Variants in NANP observed in about 807,000 individuals in gnomAD.
The protein encoded by NANP is N-acetylneuraminic acid phosphatase, also known as N-acylneuraminate-9-phosphatase.
Under a neutral mutation model 16.9 loss-of-function variants are expected in NANP, and 15 were observed. That is an observed-to-expected ratio of 0.89 (90% CI 0.59 to 1.37). The LOEUF is 1.37. Ranked by LOEUF, NANP falls within the 40% of genes most tolerant of loss-of-function variation. The pLI, the probability that NANP is intolerant of heterozygous loss-of-function variation, is 0.00. For missense variants in NANP, 290 were observed against 303.5 expected (o/e 0.96, Z 0.33); for synonymous variants, 135 against 112.6 (o/e 1.20, Z -1.26).
In NANP at chr20:25,623,910, C is replaced by G. The variant is rs778705395; in HGVS notation, c.39G>C (p.Leu13Phe). The G allele has an allele frequency of 6.2e-7, 1 of 1,613,534 alleles. No individual in the cohort carries two copies. Among genetic ancestry groups the G allele is most frequent in the South Asian group, 1.1e-5 (1 of 91,070 alleles). ...CGGCCGTGTCGATGAGAGTGTTGTC[C>G]AAGTCAAAGAAAACCGCCCGCACGC... Reference protein sequence around the residue: ...LSRVRAVFFDLDNTLIDTAGA... With the variant: ...LSRVRAVFFDFDNTLIDTAGA... Residue 13 changes from leucine to phenylalanine, a missense_variant, in exon 1 of 2, where the codon TTG becomes TTC. Physicochemically the swap from Leu to Phe is conservative, Grantham distance 22. Coordinates refer to ENST00000304788, the MANE Select transcript of NANP (RefSeq NM_152667.3).
chr20:25,617,095 C>T lies in NANP; in HGVS notation c.91-514G>A, dbSNP rs369961306. Among the ~76,000 whole-genome samples, 806 of 152,320 alleles carry T rather than the reference C, an allele frequency of 5.3e-3. 4 individuals carry two copies. Among genetic ancestry groups the T allele is most frequent in the Non-Finnish European group, 6.9e-3 (466 of 68,028 alleles). On this transcript the variant is annotated intron_variant, in intron 1 of 1. Coordinates refer to ENST00000304788, the MANE Select transcript of NANP (RefSeq NM_152667.3). ...AAACATTTAAAATTTCTGACAACCACTATTTAGACTATCATCAGAAAAAAA... is the reference window on the plus strand; with the variant it reads ...AAACATTTAAAATTTCTGACAACCATTATTTAGACTATCATCAGAAAAAAA...
intron 1 of NANP, among the ~76,000 whole-genome samples, chr20:25,622,816 A>C (rs1174390883): frequency 1.3e-5 from 2 of 152,216 alleles, no homozygotes; most frequent in Non-Finnish European, 2.9e-5. Context: ...AATAAATAGG[A>C]GGTAGAGACA....
intron 1 of NANP, among the ~76,000 whole-genome samples, chr20:25,616,946 G>C (rs1446489135): frequency 6.6e-6 from 1 of 152,150 alleles, no homozygotes; most frequent in South Asian, 2.1e-4. Context: ...CAGCACTTTG[G>C]AAGGCCAAGG....
Position 25,614,574 on chromosome 20 carries a change from G to T in NANP, c.*1351C>A, listed in dbSNP as rs1001945661. On this transcript the variant is annotated 3_prime_UTR_variant, in exon 2 of 2. Coordinates refer to ENST00000304788, the MANE Select transcript of NANP (RefSeq NM_152667.3). Reference sequence around the variant, plus strand: ...TAGATATAGAAATTTGCAAAACAATGATATATTTCCAAGAATGTGAAAAAC... The same window carrying T: ...TAGATATAGAAATTTGCAAAACAATTATATATTTCCAAGAATGTGAAAAAC... 2.6e-5 allele frequency: 4 copies of T among 152,068 alleles called. No homozygotes were observed. 9.4% of individuals were successfully genotyped at this position (152,068 alleles called of 1,614,324 possible).
Position 25,615,083 on chromosome 20 carries a change from T to A in NANP, c.*842A>T, listed in dbSNP as rs1277162753. 1 of 152,348 alleles carries A rather than the reference T, an allele frequency of 6.6e-6. No homozygotes were observed. Among genetic ancestry groups the A allele is most frequent in the Non-Finnish European group, 1.5e-5 (1 of 68,038 alleles). The allele number at this position is 152,348 out of a possible 1,614,324, so 9.4% of individuals were successfully genotyped here. ...AAGAAAAATGACTTTTAGTGCCACG[T>A]GCCTTGCAATTATCTCTAGCAAAAC... On this transcript the variant is annotated 3_prime_UTR_variant, in exon 2 of 2. Coordinates refer to ENST00000304788, the MANE Select transcript of NANP (RefSeq NM_152667.3).
intron 1 of NANP, among the ~76,000 whole-genome samples, chr20:25,619,600 A>C (rs565042367): frequency 1.3e-5 from 2 of 152,238 alleles, no homozygotes; most frequent in African/African-American, 4.8e-5. Flanking sequence ...AAAACGCTGT[A>C]AATTTTTGCT....
rs1262119732 is a variant in NANP at position 25,615,732 on chromosome 20, T to C, written c.*193A>G. On this transcript the variant is annotated 3_prime_UTR_variant, in exon 2 of 2. Transcript: ENST00000304788. Reference sequence around the variant, plus strand: ...TTCATGCAATCTGAATTTTCAGATATAAGTACCACTCAATGGTTGGTTGTT... The same window carrying C: ...TTCATGCAATCTGAATTTTCAGATACAAGTACCACTCAATGGTTGGTTGTT... 3.5e-6 allele frequency: 2 copies of C among 570,128 alleles called. No individual in the cohort carries two copies. The highest frequency in any genetic ancestry group is 4.0e-4 in the Middle Eastern group (1 of 2,500). 35.3% of individuals were successfully genotyped at this position (570,128 alleles called of 1,614,324 possible).
chr20:25,621,100 TTAACAATTTTAAAACACGCTCACAAA>T (rs2065362858), intron 1 of NANP, among the ~76,000 whole-genome samples: 1 of 152,092 alleles, frequency 6.6e-6, no homozygotes, highest in East Asian at 1.9e-4. Flanking sequence ...AATAAAACTA[TTAACAATTTTAAAACACGCTCACAAA>T]ATGAGGCCTG....
At position 25,615,908 on chromosome 20, in the gene NANP, A is replaced by C. The variant is rs759399362; in HGVS notation, c.*17T>G. ...CAAATTGATTCTAACATTCATAATCATGCCCTTTTATGTGCTTTAAGTGGA... is the reference window on the plus strand; with the variant it reads ...CAAATTGATTCTAACATTCATAATCCTGCCCTTTTATGTGCTTTAAGTGGA... On this transcript the variant is annotated 3_prime_UTR_variant, in exon 2 of 2. Transcript: ENST00000304788. The C allele has an allele frequency of 1.3e-6, 2 of 1,580,726 alleles. No individual in the cohort carries two copies. Among genetic ancestry groups the C allele is most frequent in the South Asian group, 2.3e-5 (2 of 85,346 alleles).
intron 1 of NANP, among the ~76,000 whole-genome samples, chr20:25,620,430 C>T (rs181597447): frequency 5.9e-5 from 9 of 152,242 alleles, no homozygotes; most frequent in Admixed American, 3.3e-4. Context: ...TCTCTCTGAA[C>T]GTATACGAAA....
intron 1 of NANP, among the ~76,000 whole-genome samples, chr20:25,616,946 G>A (rs1446489135): frequency 2.0e-5 from 3 of 152,150 alleles, no homozygotes; most frequent in African/African-American, 7.2e-5. Flanking sequence ...CAGCACTTTG[G>A]AAGGCCAAGG....
chr20:25,622,270 C>T (rs190715834), intron 1 of NANP, among the ~76,000 whole-genome samples: 29 of 152,296 alleles, frequency 1.9e-4, no homozygotes, highest in Admixed American at 5.2e-4. Context: ...GAGACATGCA[C>T]GGGGCATGTG....
chr20:25,616,592 G>T lies in NANP; in HGVS notation c.91-11C>A. 6.4e-7 allele frequency: 1 copy of T among 1,556,310 alleles called. No homozygotes were observed. Among genetic ancestry groups the T allele is most frequent in the Non-Finnish European group, 8.7e-7 (1 of 1,154,142 alleles). On this transcript the variant is annotated splice_polypyrimidine_tract_variant and intron_variant, in intron 1 of 1. Transcript: ENST00000304788. The stretch of plus-strand genomic sequence containing the variant: ...TAAGAGTTTTATCACCTAAATAATG[G>T]AAAATAACTCCATTAACACATTGCA...
Position 25,614,785 on chromosome 20 carries a change from C to G in NANP, c.*1140G>C, listed in dbSNP as rs1180268411. The G allele has an allele frequency of 3.3e-5, 5 of 151,842 alleles. No homozygotes were observed. Among genetic ancestry groups the G allele is most frequent in the Non-Finnish European group, 5.9e-5 (4 of 68,058 alleles). 9.4% of individuals were successfully genotyped at this position (151,842 alleles called of 1,614,324 possible). On this transcript the variant is annotated 3_prime_UTR_variant, in exon 2 of 2. Coordinates refer to ENST00000304788, the MANE Select transcript of NANP (RefSeq NM_152667.3). The stretch of plus-strand genomic sequence containing the variant: ...GGAGGATCACTTGAATCCAGGAATT[C>G]GAGACCAGCCTGGGCAACATGGCAA...
intron 1 of NANP, among the ~76,000 whole-genome samples, chr20:25,621,379 T>C (rs944576774): frequency 1.3e-5 from 2 of 152,308 alleles, no homozygotes; most frequent in African/African-American, 2.4e-5. Flanking sequence ...CAGGCTTCTG[T>C]AGAAAAGTTC....
At chr20:25,619,732 A>C (rs1171395910) in intron 1 of NANP, among the ~76,000 whole-genome samples, 1 of 152,238 alleles carries the variant, frequency 6.6e-6, no homozygotes, top group Admixed American at 6.5e-5. Flanking sequence ...AAGTTTCAGC[A>C]ACCCTACAGC....
chr20:25,620,723 G>A (rs1283308572), intron 1 of NANP, among the ~76,000 whole-genome samples: 2 of 152,178 alleles, frequency 1.3e-5, no homozygotes, highest in African/African-American at 4.8e-5. Flanking sequence ...GAGTCCAGGA[G>A]TGTCCAATCC....
chr20:25,618,503 C>T (rs1022039144), intron 1 of NANP, among the ~76,000 whole-genome samples: 1 of 152,120 alleles, frequency 6.6e-6, no homozygotes. Flanking sequence ...GGGCCTTGAA[C>T]CCCATGTTAT....
In NANP at chr20:25,623,984, C is replaced by G. The variant is rs2065380936; in HGVS notation, c.-36G>C. On this transcript the variant is annotated 5_prime_UTR_variant, in exon 1 of 2. Transcript: ENST00000304788. ...GCTGGCGCGAACCGTAGCCTTGCCA[C>G]CGCCGCCTGCGCATGCGCAAGGCGG... 1 of 1,600,936 alleles carries G rather than the reference C, an allele frequency of 6.2e-7. No homozygotes were observed.
Sources: allele counts gnomAD v4.1 joint callset (sites outside exome capture counted in the v4.1 genomes callset), GRCh38; gene constraint gnomAD v4.1.1; transcripts MANE v1.5; gene names NCBI Gene and HGNC (gene_info 2026-07-23, HGNC 2026-07-21).